The following PLAC8L1 variants were observed in gnomAD, a reference collection of about 807,000 sequenced individuals.
PLAC8L1 encodes PLAC8 like 1.
Under a neutral mutation model 16.3 loss-of-function variants are expected in PLAC8L1, and 13 were observed. That is an observed-to-expected ratio of 0.80 (90% CI 0.52 to 1.27). The LOEUF (loss-of-function observed/expected upper bound fraction) is 1.27, where lower values mean the gene tolerates loss of function less well. Ranked by LOEUF, PLAC8L1 falls within the 50% of genes most tolerant of loss-of-function variation. PLAC8L1 has a pLI of 0.00. For synonymous variants in PLAC8L1, 78 were observed against 79.3 expected (o/e 0.98, Z 0.09); for missense variants, 184 against 220.2 (o/e 0.84, Z 1.04).
chr5:146,104,137 T>C (rs1763869623), intron 1 of PLAC8L1, 56 bp downstream of exon 1: 4 of 1,592,466 alleles, frequency 2.5e-6, no homozygotes, highest in Admixed American at 1.8e-5. Flanking sequence ...TAGAGGTTGA[T>C]TCGATAGTCC....
At chr5:146,092,187 T>A (rs970827491) in intron 2 of PLAC8L1, among the ~76,000 whole-genome samples, 1 of 152,124 alleles carries the variant, frequency 6.6e-6, no homozygotes, top group Non-Finnish European at 1.5e-5. Flanking sequence ...ATATTTCAGA[T>A]CAATTATTGC....
chr5:146,098,450 C>G (rs965333359), intron 1 of PLAC8L1, among the ~76,000 whole-genome samples, 158 bp from the exon 2 acceptor site: 30 of 152,336 alleles, frequency 2.0e-4, no homozygotes, highest in Admixed American at 5.9e-4. Flanking sequence ...TCCTCCCCCT[C>G]CATCATACCT....
rs147899257 is a variant in PLAC8L1 at position 146,094,137 on chromosome 5, C to T, written c.256+4019G>A. Reference sequence around the variant, plus strand: ...TCACTCTGTCGCCCAGGCTGGAGTGCAGTTGTGCAATCTCGACTCACTGCA... The same window carrying T: ...TCACTCTGTCGCCCAGGCTGGAGTGTAGTTGTGCAATCTCGACTCACTGCA... On this transcript the variant is annotated intron_variant, in intron 2 of 3. Transcript: ENST00000311450. Among the ~76,000 whole-genome samples the T allele has an allele frequency of 3.1e-3, 467 of 152,264 alleles. 2 individuals carry two copies. Among genetic ancestry groups the T allele is most frequent in the African/African-American group, 0.011 (440 of 41,550 alleles).
chr5:146,094,255 T>C (rs1763675533), intron 2 of PLAC8L1, among the ~76,000 whole-genome samples: 1 of 152,102 alleles, frequency 6.6e-6, no homozygotes, highest in Non-Finnish European at 1.5e-5. Context: ...GCTAATTTTG[T>C]ATTTTCAGTA....
intron 2 of PLAC8L1, among the ~76,000 whole-genome samples, chr5:146,091,565 G>A (rs1415474905): frequency 6.6e-6 from 1 of 152,110 alleles, no homozygotes; most frequent in Non-Finnish European, 1.5e-5. Context: ...GGGAGGCCAA[G>A]GCAGGAGGAT....
intron 2 of PLAC8L1, among the ~76,000 whole-genome samples, chr5:146,087,158 TCAA>T (rs1222507037): frequency 6.6e-6 from 1 of 152,250 alleles, no homozygotes; most frequent in Admixed American, 6.5e-5. Context: ...CTTCTTTCGT[TCAA>T]CATCATGTTT....
chr5:146,097,144 A>G (rs1230728908), intron 2 of PLAC8L1, among the ~76,000 whole-genome samples: 1 of 152,186 alleles, frequency 6.6e-6, no homozygotes, highest in Non-Finnish European at 1.5e-5. Flanking sequence ...ATTGCTCCCT[A>G]GGGCAAGACC....
intron 1 of PLAC8L1, among the ~76,000 whole-genome samples, chr5:146,101,671 C>T (rs1046959871): frequency 2.6e-5 from 4 of 152,166 alleles, no homozygotes; most frequent in African/African-American, 7.2e-5. Context: ...AGGCTAGCTA[C>T]AAATTTATGT....
chr5:146,092,045 G>A (rs549263019), intron 2 of PLAC8L1, among the ~76,000 whole-genome samples: 14 of 152,272 alleles, frequency 9.2e-5, no homozygotes, highest in Non-Finnish European at 1.8e-4. Flanking sequence ...ACCCGCATGT[G>A]TGGAATGTTG....
intron 1 of PLAC8L1, 156 bp downstream of exon 1, chr5:146,104,037 T>C: frequency 1.0e-6 from 1 of 985,416 alleles, no homozygotes; most frequent in Non-Finnish European, 1.2e-6. Flanking sequence ...AAGGAACAAA[T>C]CAGTTGCCCT....
intron 1 of PLAC8L1, 88 bp from the exon 2 acceptor site, chr5:146,098,380 A>T: frequency 7.4e-7 from 1 of 1,355,832 alleles, no homozygotes; most frequent in Non-Finnish European, 1.0e-6. Context: ...TAAAGAAGAG[A>T]TAGGGACCCA....
intron 1 of PLAC8L1, among the ~76,000 whole-genome samples, chr5:146,100,937 T>C (rs1399632481): frequency 6.6e-6 from 1 of 152,174 alleles, no homozygotes; most frequent in Non-Finnish European, 1.5e-5. Context: ...CAGTGGCTCA[T>C]GCCTATAATC....
At chr5:146,101,606 T>C (rs917959247) in intron 1 of PLAC8L1, among the ~76,000 whole-genome samples, 1 of 152,216 alleles carries the variant, frequency 6.6e-6, no homozygotes, top group African/African-American at 2.4e-5. Flanking sequence ...AAGTATTTCT[T>C]GGGCTGGACC....
At chr5:146,098,853 C>A (rs897695298) in intron 1 of PLAC8L1, among the ~76,000 whole-genome samples, 1 of 152,168 alleles carries the variant, frequency 6.6e-6, no homozygotes, top group African/African-American at 2.4e-5. Context: ...CTGGACTAGG[C>A]TGTTGAAGTT....
chr5:146,089,245 G>T (rs973032591), intron 2 of PLAC8L1, among the ~76,000 whole-genome samples: 1 of 151,964 alleles, frequency 6.6e-6, no homozygotes, highest in Admixed American at 6.6e-5. Flanking sequence ...TCATTAGGAG[G>T]TAGTACTAGA....
At position 146,101,954 on chromosome 5, in the gene PLAC8L1, C is replaced by T. The variant is rs1479776739; in HGVS notation, c.119+2239G>A. 2.6e-5 allele frequency among the ~76,000 whole-genome samples: 4 copies of T among 151,672 alleles called. No homozygotes were observed. The East Asian group carries it at 7.7e-4, about 29-fold the overall frequency. On this transcript the variant is annotated intron_variant, in intron 1 of 3. Transcript: ENST00000311450. Reference sequence around the variant, plus strand: ...ACACCTTTTATTATAGCAAGGAATGCTGTATTCTATCCATTCCAAATCAAA... The same window carrying T: ...ACACCTTTTATTATAGCAAGGAATGTTGTATTCTATCCATTCCAAATCAAA...
Position 146,100,399 on chromosome 5 carries a change from A to ATGAG in PLAC8L1, c.120-2111_120-2108dup, listed in dbSNP as rs1763794608. Among the ~76,000 whole-genome samples the ATGAG allele has an allele frequency of 2.6e-5, 4 of 152,272 alleles. No individual in the cohort carries two copies. The South Asian group carries it at 8.3e-4, about 32-fold the overall frequency. ...CATTGTAGACAGTTCTCATGGTTTA[A>ATGAG]TGAGCTTTCTAGGAACCTACCATGG... On this transcript the variant is annotated intron_variant, in intron 1 of 3. Coordinates refer to ENST00000311450, the MANE Select transcript of PLAC8L1 (RefSeq NM_001029869.3).
intron 2 of PLAC8L1, among the ~76,000 whole-genome samples, chr5:146,093,380 T>G (rs1763654703): frequency 6.6e-6 from 1 of 152,144 alleles, no homozygotes; most frequent in East Asian, 1.9e-4. Flanking sequence ...CAAAATAATT[T>G]TTTAAGGTGC....
chr5:146,086,030 T>C (rs1763508664), intron 2 of PLAC8L1, among the ~76,000 whole-genome samples: 1 of 125,558 alleles, frequency 8.0e-6, no homozygotes, highest in Non-Finnish European at 1.6e-5. Flanking sequence ...AGGTCTTTTT[T>C]TTTTTTTTTT....
Sources: gnomAD v4.1 joint callset for allele counts (sites outside exome capture counted in the v4.1 genomes callset) on GRCh38, gnomAD v4.1.1 for gene constraint, MANE v1.5 for transcripts, NCBI Gene and HGNC (gene_info 2026-07-23, HGNC 2026-07-21) for gene names.